The following SGCZ variants were observed in gnomAD, a reference collection of about 807,000 sequenced individuals.
SGCZ encodes sarcoglycan zeta, also known as zeta-sarcoglycan.
A neutral mutation model predicts 41.3 loss-of-function variants in SGCZ; 40 were observed. The ratio of observed to expected loss-of-function variants is 0.97; its 90% CI spans 0.75 to 1.26. The LOEUF is 1.26. SGCZ is among the 50% of genes most tolerant of loss of function. SGCZ has a pLI of 0.00. For synonymous variants in SGCZ, 206 were observed against 137.5 expected (o/e 1.50, Z -3.49); for missense variants, 552 against 369.8 (o/e 1.49, Z -4.04).
chr8:14,994,063 A>G (rs1353087892), intron 1 of SGCZ, among the ~76,000 whole-genome samples: 1 of 152,126 alleles, frequency 6.6e-6, no homozygotes, highest in Non-Finnish European at 1.5e-5. Flanking sequence ...ATGAGAAGTG[A>G]TTGGGTTCTG....
At chr8:15,185,338 G>T (rs112505512) in intron 1 of SGCZ, among the ~76,000 whole-genome samples, 2,829 of 152,278 alleles carry the variant, frequency 0.019, 69 homozygotes, top group African/African-American at 0.062. Flanking sequence ...ATTAAAAAAT[G>T]TGTTGGTTTT....
intron 2 of SGCZ, among the ~76,000 whole-genome samples, chr8:14,348,811 T>A (rs1802983845): frequency 6.6e-6 from 1 of 152,172 alleles, no homozygotes; most frequent in South Asian, 2.1e-4. Flanking sequence ...TACTGCTTTT[T>A]CTCAACCAAA....
At chr8:14,272,223 C>G (rs1346590734) in intron 3 of SGCZ, among the ~76,000 whole-genome samples, 1 of 152,182 alleles carries the variant, frequency 6.6e-6, no homozygotes, top group African/African-American at 2.4e-5. Context: ...AGGCTGGTCT[C>G]TAACTCCTGA....
intron 1 of SGCZ, among the ~76,000 whole-genome samples, chr8:14,912,123 T>C (rs2130778359): frequency 6.6e-6 from 1 of 152,122 alleles, no homozygotes; most frequent in South Asian, 2.1e-4. Flanking sequence ...CAATAAAATG[T>C]ATGAAATTGT....
intron 3 of SGCZ, 126 bp from the exon 4 acceptor site, chr8:14,237,805 T>C (rs1806823639): frequency 2.8e-6 from 2 of 713,624 alleles, no homozygotes; most frequent in East Asian, 5.8e-5. Context: ...AGACAGTTAA[T>C]TTAACGTCCC....
chr8:14,863,048 A>T (rs1401050203), intron 1 of SGCZ, among the ~76,000 whole-genome samples: 1 of 152,142 alleles, frequency 6.6e-6, no homozygotes, highest in Non-Finnish European at 1.5e-5. Flanking sequence ...GATGATTGAG[A>T]AGCTACAAGG....
At chr8:14,710,012 A>G (rs951457639) in intron 1 of SGCZ, among the ~76,000 whole-genome samples, 6 of 152,206 alleles carry the variant, frequency 3.9e-5, no homozygotes, top group African/African-American at 1.4e-4. Flanking sequence ...CTAGAAGTCC[A>G]TTAAGCTCCC....
At chr8:14,196,126 T>C (rs1478016) in intron 4 of SGCZ, among the ~76,000 whole-genome samples, 113,303 of 152,040 alleles carry the variant, frequency 0.75, 43,087 homozygotes, top group African/African-American at 0.88. Flanking sequence ...TAGGGTTCTA[T>C]TGAAATGGTA....
intron 1 of SGCZ, among the ~76,000 whole-genome samples, chr8:15,197,944 A>G (rs1462031309): frequency 6.7e-6 from 1 of 150,232 alleles, no homozygotes; most frequent in Admixed American, 6.7e-5. Flanking sequence ...ATAAACACAT[A>G]ATACATACCA....
intron 2 of SGCZ, among the ~76,000 whole-genome samples, chr8:14,528,565 C>T (rs928155334): frequency 1.3e-5 from 2 of 152,008 alleles, no homozygotes; most frequent in Non-Finnish European, 2.9e-5. Flanking sequence ...CCTTAGTTTT[C>T]TTTTATTTAA....
chr8:14,185,002 A>G (rs1804856940), intron 4 of SGCZ, among the ~76,000 whole-genome samples: 1 of 152,142 alleles, frequency 6.6e-6, no homozygotes, highest in African/African-American at 2.4e-5. Flanking sequence ...TTTGTTTTTT[A>G]ATTAGACTTT....
At chr8:14,802,088 C>T (rs548290656) in intron 1 of SGCZ, among the ~76,000 whole-genome samples, 106 of 152,230 alleles carry the variant, frequency 7.0e-4, no homozygotes, top group African/African-American at 2.4e-3. Context: ...TTGGAAATGA[C>T]GGGTTGCGTT....
At chr8:14,847,997 T>A (rs922801998) in intron 1 of SGCZ, among the ~76,000 whole-genome samples, 13 of 151,940 alleles carry the variant, frequency 8.6e-5, no homozygotes, top group Non-Finnish European at 1.5e-4. Context: ...AAATTAAATA[T>A]AACCTACAAA....
At chr8:14,583,517 C>G (rs936815111) in intron 1 of SGCZ, among the ~76,000 whole-genome samples, 1 of 151,942 alleles carries the variant, frequency 6.6e-6, no homozygotes, top group Non-Finnish European at 1.5e-5. Flanking sequence ...TAATTAGATC[C>G]AATTTGTCAA....
intron 1 of SGCZ, among the ~76,000 whole-genome samples, chr8:15,109,421 C>T (rs1194577378): frequency 1.3e-5 from 2 of 151,826 alleles, no homozygotes; most frequent in Non-Finnish European, 2.9e-5. Context: ...GCTGAGCATA[C>T]AGGAAAAAAT....
rs1251290899 is a variant in SGCZ, at chr8:14,857,209, G to A, written c.40-302283C>T. Among the ~76,000 whole-genome samples the A allele has an allele frequency of 3.3e-5, 5 of 152,160 alleles. No individual in the cohort carries two copies. The South Asian group carries it at 8.3e-4, about 25-fold the overall frequency. On this transcript the variant is annotated intron_variant, in intron 1 of 7. Coordinates refer to ENST00000382080, the MANE Select transcript of SGCZ (RefSeq NM_139167.4). ...CTCCTGCCATGATTGTAAGTTTCCT[G>A]AGGCCTGCTCAGAAACCCAGCGGAA...
chr8:14,435,180 A>C (rs1800054146), intron 2 of SGCZ, among the ~76,000 whole-genome samples: 1 of 152,250 alleles, frequency 6.6e-6, no homozygotes, highest in East Asian at 1.9e-4. Flanking sequence ...ACCGATATGG[A>C]TTCTCAGGCA....
chr8:14,632,090 C>A (rs929492277), intron 1 of SGCZ, among the ~76,000 whole-genome samples: 2 of 152,088 alleles, frequency 1.3e-5, no homozygotes, highest in Admixed American at 6.6e-5. Context: ...ACAATCACAG[C>A]TCATTGCTGC....
chr8:15,220,195 T>G (rs775567343), intron 1 of SGCZ, among the ~76,000 whole-genome samples: 18 of 152,194 alleles, frequency 1.2e-4, no homozygotes, highest in Non-Finnish European at 1.6e-4. Context: ...ACCAAAAGTT[T>G]TTGAGGTCAT....
Sources: gnomAD v4.1 joint callset for allele counts (sites outside exome capture counted in the v4.1 genomes callset) on GRCh38, gnomAD v4.1.1 for gene constraint, MANE v1.5 for transcripts, NCBI Gene and HGNC (gene_info 2026-07-23, HGNC 2026-07-21) for gene names.